APPL2: variants seen among roughly 807,000 people sequenced by gnomAD.
APPL2 encodes DCC-interacting protein 13-beta.
Under a neutral mutation model 92.7 loss-of-function variants are expected in APPL2, and 84 were observed. The observed-to-expected ratio is 0.91, with a 90% CI of 0.76 to 1.09. The LOEUF is 1.09. Ranked by LOEUF, APPL2 falls within the 50% of genes least tolerant of loss-of-function variation. The probability of loss-of-function intolerance (pLI) is 0.00; values close to 1 mark genes in which losing one functional copy is unlikely to be tolerated. For missense variants in APPL2, 736 were observed against 824.5 expected, an observed-to-expected ratio of 0.89 and a Z score of 1.31; for synonymous variants, 291 against 291.0, an observed-to-expected ratio of 1.00 and a Z score of 0.00.
At chr12:105,179,950 T>C (rs1885952198) in intron 17 of APPL2, among the ~76,000 whole-genome samples, 1 of 152,256 alleles carries the variant, frequency 6.6e-6, no homozygotes, top group Non-Finnish European at 1.5e-5. Flanking sequence ...ATAGTTTCTT[T>C]TGCTGTGCAG....
rs146440027 is a variant in APPL2 at position 105,233,296 on chromosome 12, C to T, written c.54+2663G>A. The T allele has an allele frequency of 1.8e-5, 18 of 985,478 alleles. No individual in the cohort carries two copies. In the East Asian group the frequency reaches 1.7e-3, roughly 93 times the overall value. 61.0% of individuals were successfully genotyped at this position (985,478 alleles called of 1,614,324 possible). On this transcript the variant is annotated intron_variant, in intron 1 of 20. Transcript: ENST00000258530. Reference sequence around the variant, plus strand: ...AGTAGTGCCAGGCAAGGAGCAGAGGCTTCTAAACAACAATGGAGGCAGATT... The same window carrying T: ...AGTAGTGCCAGGCAAGGAGCAGAGGTTTCTAAACAACAATGGAGGCAGATT...
intron 14 of APPL2, among the ~76,000 whole-genome samples, chr12:105,194,347 A>G (rs1432580718): frequency 2.0e-5 from 3 of 152,208 alleles, no homozygotes; most frequent in Non-Finnish European, 4.4e-5. Context: ...TTTGCTCTAA[A>G]TGATAACAGT....
At chr12:105,211,399 T>G in intron 4 of APPL2, 82 bp from the exon 5 acceptor site, 6 of 1,011,876 alleles carry the variant, frequency 5.9e-6, no homozygotes, top group South Asian at 1.4e-5. Context: ...GGAATCACAC[T>G]GAACACTTCC....
At chr12:105,207,246 T>C in intron 7 of APPL2, 39 bp from the exon 8 acceptor site, 3 of 1,581,040 alleles carry the variant, frequency 1.9e-6, no homozygotes, top group Non-Finnish European at 2.6e-6. Flanking sequence ...AGTTGTCTAC[T>C]GTACGTGACA....
intron 14 of APPL2, among the ~76,000 whole-genome samples, chr12:105,193,284 C>T (rs1009255040): frequency 6.6e-6 from 1 of 152,158 alleles, no homozygotes; most frequent in African/African-American, 2.4e-5. Context: ...ATTCCAAACC[C>T]CCCTAAACTA....
intron 4 of APPL2, among the ~76,000 whole-genome samples, chr12:105,215,103 T>G (rs1024189501): frequency 6.6e-6 from 1 of 152,182 alleles, no homozygotes; most frequent in South Asian, 2.1e-4. Flanking sequence ...TTTCCCTGAT[T>G]TGTGGGCCAT....
rs371536053 is a variant in APPL2, at chr12:105,207,084, T to C, written c.598A>G (p.Met200Val). ...YRKQMAMMEP[M>V]IGFAHGQINF... is the part of the protein sequence containing the mutation. ...ACCTGTCCATGGGCAAAGCCTATCA[T>C]GGGCTCCATCATGGCCATTTGCTTT... is the stretch of plus-strand genomic sequence containing the variant. The change falls in exon 8 of 21, where the codon ATG (methionine) becomes GTG (valine). Residue 200 changes from methionine to valine, a missense_variant. Transcript: ENST00000258530. The C allele has an allele frequency of 1.2e-6, 2 of 1,614,062 alleles. No homozygotes were observed. The highest frequency in any genetic ancestry group is 2.7e-5 in the African/African-American group (2 of 74,950).
intron 2 of APPL2, among the ~76,000 whole-genome samples, chr12:105,227,955 G>A (rs143079251): frequency 2.0e-5 from 3 of 152,284 alleles, no homozygotes; most frequent in Non-Finnish European, 4.4e-5. Flanking sequence ...TGCGTGCCCA[G>A]CACAACCCCA....
intron 5 of APPL2, 133 bp from the exon 6 acceptor site, chr12:105,208,332 C>A: frequency 9.3e-7 from 1 of 1,071,168 alleles, no homozygotes; most frequent in South Asian, 1.4e-5. Flanking sequence ...CCCTGGCTCT[C>A]ACAGGCTGGC....
At chr12:105,224,438 A>T (rs1890346332) in intron 2 of APPL2, among the ~76,000 whole-genome samples, 1 of 152,192 alleles carries the variant, frequency 6.6e-6, no homozygotes, top group African/African-American at 2.4e-5. Flanking sequence ...AAAAGCTTAC[A>T]CTTCTTTGGC....
chr12:105,221,730 C>T (rs1890116493), intron 2 of APPL2, among the ~76,000 whole-genome samples: 1 of 152,178 alleles, frequency 6.6e-6, no homozygotes, highest in Non-Finnish European at 1.5e-5. Flanking sequence ...TGTGAGAAGC[C>T]CTGAAAGGAC....
At chr12:105,177,079 ACT>A (rs1053037026) in intron 18 of APPL2, 63 bp from the exon 19 acceptor site, 14 of 1,608,898 alleles carry the variant, frequency 8.7e-6, no homozygotes, top group Middle Eastern at 1.7e-4. Context: ...TGACAAGGCT[ACT>A]CTCTGGAAAA....
At chr12:105,196,374 C>T (rs1369121891) in intron 11 of APPL2, among the ~76,000 whole-genome samples, 1 of 150,650 alleles carries the variant, frequency 6.6e-6, no homozygotes, top group Non-Finnish European at 1.5e-5. Flanking sequence ...GTATGGAGGC[C>T]CGGGAATAAG....
At chr12:105,215,332 A>C (rs1889593158) in intron 4 of APPL2, among the ~76,000 whole-genome samples, 1 of 152,162 alleles carries the variant, frequency 6.6e-6, no homozygotes, top group South Asian at 2.1e-4. Flanking sequence ...TTAGTGTCAC[A>C]GAATTGCTTG....
chr12:105,180,957 T>C (rs1303844341), intron 17 of APPL2, among the ~76,000 whole-genome samples: 1 of 152,180 alleles, frequency 6.6e-6, no homozygotes, highest in Non-Finnish European at 1.5e-5. Context: ...CCTCATTGCT[T>C]TCTCTTGCCT....
chr12:105,230,068 C>A (rs1031128329), intron 1 of APPL2, among the ~76,000 whole-genome samples: 7 of 152,166 alleles, frequency 4.6e-5, no homozygotes, highest in African/African-American at 2.4e-5. Context: ...GTGTGAGCCA[C>A]CGCACCTGGC....
At chr12:105,174,622 A>G (rs1885311877) in intron 20 of APPL2, among the ~76,000 whole-genome samples, 174 bp from the exon 21 acceptor site, 1 of 152,162 alleles carries the variant, frequency 6.6e-6, no homozygotes, top group Admixed American at 6.5e-5. Context: ...TCACTTCTAG[A>G]ATCTAGACTG....
At chr12:105,194,047 A>G (rs1887440830) in intron 14 of APPL2, among the ~76,000 whole-genome samples, 1 of 152,190 alleles carries the variant, frequency 6.6e-6, no homozygotes, top group Non-Finnish European at 1.5e-5. Context: ...TCCACACTGC[A>G]CAGATTCTGG....
At chr12:105,214,987 G>A (rs779166359) in intron 4 of APPL2, among the ~76,000 whole-genome samples, 3 of 152,158 alleles carry the variant, frequency 2.0e-5, no homozygotes, top group Non-Finnish European at 4.4e-5. Flanking sequence ...GAGAGGGCAC[G>A]GAAGTTCCAC....
Sources: gnomAD v4.1 joint callset for allele counts (sites outside exome capture counted in the v4.1 genomes callset) on GRCh38, gnomAD v4.1.1 for gene constraint, MANE v1.5 for transcripts, NCBI Gene and HGNC (gene_info 2026-07-23, HGNC 2026-07-21) for gene names.